HENMT1: variants seen among roughly 807,000 people sequenced by gnomAD.
HENMT1 encodes the protein HEN methyltransferase 1, also known as small RNA 2'-O-methyltransferase.
In HENMT1, 27 loss-of-function variants were observed where a neutral mutation model predicts 31.1. The observed-to-expected ratio is 0.87, with a 90% CI of 0.64 to 1.20. The LOEUF is 1.20. HENMT1 is among the 50% of genes most tolerant of loss of function. The pLI, the probability that HENMT1 is intolerant of heterozygous loss-of-function variation, is 0.00. For missense variants in HENMT1, 438 were observed against 469.6 expected (o/e 0.93, Z 0.62); for synonymous variants, 167 against 172.2 (o/e 0.97, Z 0.24).
chr1:108,651,572 G>A (rs555639231), intron 5 of HENMT1: 1 of 160,692 alleles, frequency 6.2e-6, no homozygotes, highest in African/African-American at 2.4e-5. Context: ...TTGAACCCAG[G>A]AGGCAGAGGT....
intron 2 of HENMT1, among the ~76,000 whole-genome samples, chr1:108,658,663 C>T (rs1356649586): frequency 1.3e-5 from 2 of 152,304 alleles, no homozygotes; most frequent in Middle Eastern, 3.4e-3. Context: ...CTTTGGGCTG[C>T]CTAGCCCAGT....
Position 108,661,032 on chromosome 1 carries a change from C to G in HENMT1, c.-148G>C, listed in dbSNP as rs1399681989. Reference sequence around the variant, plus strand: ...TCCTGCGGTAAGCAGCATGCCCAACCGAAAAAACAAAGCTCGTCGCGGAGC... The same window carrying G: ...TCCTGCGGTAAGCAGCATGCCCAACGGAAAAAACAAAGCTCGTCGCGGAGC... On this transcript the variant is annotated 5_prime_UTR_variant, in exon 1 of 8. Coordinates refer to ENST00000651461, the MANE Select transcript of HENMT1 (RefSeq NM_001102592.2). 2 of 984,550 alleles carry G rather than the reference C, an allele frequency of 2.0e-6. No homozygotes were observed. The allele number at this position is 984,550 out of a possible 1,614,324, so 61.0% of individuals were successfully genotyped here.
Position 108,651,029 on chromosome 1 carries a change from C to T in HENMT1, c.578+1G>A, listed in dbSNP as rs1175417684. ...ATAAACAAAAACCCTTCTGAACTTA[C>T]CAGGTCTGAAACTCCATTCTGGTCC... On this transcript the variant is annotated splice_donor_variant, in intron 6 of 7. Transcript: ENST00000651461. LOFTEE classifies it high-confidence loss of function. The T allele has an allele frequency of 2.5e-6, 4 of 1,608,370 alleles. No homozygotes were observed. Among genetic ancestry groups the T allele is most frequent in the Non-Finnish European group, 3.4e-6 (4 of 1,176,030 alleles).
intron 5 of HENMT1, among the ~76,000 whole-genome samples, chr1:108,652,545 C>G (rs1352747611): frequency 2.0e-5 from 3 of 152,270 alleles, no homozygotes; most frequent in African/African-American, 7.2e-5. Flanking sequence ...AAAACCGGGT[C>G]TGACAAAGTC....
intron 2 of HENMT1, among the ~76,000 whole-genome samples, chr1:108,658,046 TACACAC>T (rs58348990): frequency 7.1e-5 from 10 of 140,452 alleles, no homozygotes; most frequent in Middle Eastern, 3.5e-3. Context: ...CACATATATA[TACACAC>T]ACACACACAT....
At chr1:108,649,714 G>A (rs2100995019) in intron 7 of HENMT1, among the ~76,000 whole-genome samples, 1 of 152,326 alleles carries the variant, frequency 6.6e-6, no homozygotes, top group East Asian at 1.9e-4. Context: ...AAAGAGTAAT[G>A]TCCTAAGCCA....
intron 7 of HENMT1, chr1:108,649,355 T>C (rs1553182921): frequency 6.5e-6 from 3 of 462,086 alleles, no homozygotes; most frequent in South Asian, 3.1e-5. Flanking sequence ...AATCTCAGCA[T>C]TTTAGGAAGA....
At chr1:108,658,646 A>G (rs1379488834) in intron 2 of HENMT1, among the ~76,000 whole-genome samples, 1 of 152,150 alleles carries the variant, frequency 6.6e-6, no homozygotes, top group Non-Finnish European at 1.5e-5. Flanking sequence ...CCTGGCCCCA[A>G]TCCTATCTTT....
chr1:108,653,424 A>G (rs1345801665), intron 5 of HENMT1, among the ~76,000 whole-genome samples: 2 of 152,204 alleles, frequency 1.3e-5, no homozygotes, highest in African/African-American at 4.8e-5. Context: ...TCTCTCTTCA[A>G]TATAACTGAT....
upstream of HENMT1, chr1:108,661,462 C>T (rs1162053010): frequency 6.6e-6 from 1 of 152,358 alleles, no homozygotes; most frequent in African/African-American, 2.4e-5. Flanking sequence ...GACCGCGAGC[C>T]GGAAGGCGGC....
At position 108,651,057 on chromosome 1, in the gene HENMT1, T is replaced by C. The variant is rs1312438348; in HGVS notation, c.551A>G (p.Glu184Gly). Residue 184 changes from glutamate (E) to glycine (G), a missense_variant, in exon 6 of 8, where the codon GAG (glutamate) becomes GGG (glycine). Transcript: ENST00000651461. ...VTLRDSDHKF[E>G]WTRMEFQTWA... ...GGTCTGAAACTCCATTCTGGTCCACTCAAATTTATGATCTGAATCTCTTAA... is the reference window on the plus strand; with the variant it reads ...GGTCTGAAACTCCATTCTGGTCCACCCAAATTTATGATCTGAATCTCTTAA... The C allele has an allele frequency of 6.2e-7, 1 of 1,613,860 alleles. No individual in the cohort carries two copies. The highest frequency in any genetic ancestry group is 1.1e-5 in the South Asian group (1 of 91,048).
At chr1:108,659,780 T>C (rs1019428179) in intron 2 of HENMT1, 84 bp downstream of exon 2, 2 of 866,250 alleles carry the variant, frequency 2.3e-6, no homozygotes, top group Non-Finnish European at 3.8e-6. Context: ...CTAAATGTGA[T>C]CAATTTTGTT....
chr1:108,657,396 A>G, intron 3 of HENMT1, 55 bp downstream of exon 3: 3 of 1,294,480 alleles, frequency 2.3e-6, no homozygotes, highest in Non-Finnish European at 3.3e-6. Context: ...AAAACACCTC[A>G]TATGACTAGT....
At chr1:108,660,535 A>G (rs1327974375) in intron 1 of HENMT1, among the ~76,000 whole-genome samples, 2 of 152,182 alleles carry the variant, frequency 1.3e-5, no homozygotes, top group Non-Finnish European at 2.9e-5. Context: ...TTCACTCACG[A>G]ACTTGAATTT....
chr1:108,655,754 C>T, intron 3 of HENMT1, 56 bp from the exon 4 acceptor site: 1 of 1,205,392 alleles, frequency 8.3e-7, no homozygotes, highest in Admixed American at 2.2e-5. Context: ...GAAGTATGAT[C>T]AAAAACTTTT....
chr1:108,656,928 C>T (rs918911744), intron 3 of HENMT1, among the ~76,000 whole-genome samples: 1 of 152,180 alleles, frequency 6.6e-6, no homozygotes, highest in African/African-American at 2.4e-5. Flanking sequence ...TGAATTCTGT[C>T]TGAGCCCTGT....
chr1:108,659,510 A>G (rs1455653764), intron 2 of HENMT1, among the ~76,000 whole-genome samples: 1 of 152,224 alleles, frequency 6.6e-6, no homozygotes. Context: ...CTTCACCTAG[A>G]AACTTTAGAA....
At position 108,660,985 on chromosome 1, in the gene HENMT1, G is replaced by A; in HGVS notation, c.-101C>T. 1.0e-6 allele frequency: 1 copy of A among 984,804 alleles called. No homozygotes were observed. Among genetic ancestry groups the A allele is most frequent in the South Asian group, 4.7e-5 (1 of 21,276 alleles). 61.0% of individuals were successfully genotyped at this position (984,804 alleles called of 1,614,324 possible). A position where few individuals can be genotyped will look rare whatever the true frequency, so the allele number is the denominator to read the frequency against. On this transcript the variant is annotated 5_prime_UTR_variant, in exon 1 of 8. Transcript: ENST00000651461. Reference sequence around the variant, plus strand: ...CACTGAAACCAACGCTTCTGTCTTTGTACGGGCCGTCGCTTCCATCATCCT... The same window carrying A: ...CACTGAAACCAACGCTTCTGTCTTTATACGGGCCGTCGCTTCCATCATCCT...
rs1658011575 is a variant in HENMT1, at chr1:108,650,296, G to A, written c.671C>T (p.Thr224Ile). The change falls in exon 7 of 8, where the codon ACC becomes ATC. Residue 224 changes from threonine (T) to isoleucine (I), a missense_variant. Transcript: ENST00000651461. ...ATTTTTCCGGAAGATTCCTATCTGG[G>A]TACAGTATCCAACATTCTCAGCTCC... ...PAGAENVGYC[T>I]QIGIFRKNGG... The A allele has an allele frequency of 1.2e-6, 2 of 1,613,980 alleles. No individual in the cohort carries two copies. Among genetic ancestry groups the A allele is most frequent in the African/African-American group, 1.3e-5 (1 of 74,998 alleles).
Sources: allele counts gnomAD v4.1 joint callset (sites outside exome capture counted in the v4.1 genomes callset), GRCh38; gene constraint gnomAD v4.1.1; transcripts MANE v1.5; gene names NCBI Gene and HGNC (gene_info 2026-07-23, HGNC 2026-07-21).